The following SFT2D2 variants were observed in gnomAD, a reference collection of about 807,000 sequenced individuals.
SFT2D2 encodes the protein SFT2 domain containing 2, also known as vesicle transport protein SFT2B.
SFT2D2 carries 21 observed loss-of-function variants against 27.4 expected under a neutral mutation model. That is an observed-to-expected ratio of 0.77 (90% CI 0.54 to 1.10). The LOEUF (loss-of-function observed/expected upper bound fraction) is 1.10, where lower values mean the gene tolerates loss of function less well. Ranked by LOEUF, SFT2D2 falls within the 50% of genes least tolerant of loss-of-function variation. The pLI is 0.00. For missense variants in SFT2D2, 187 were observed against 194.2 expected (o/e 0.96, Z 0.22); for synonymous variants, 72 against 71.7 (o/e 1.00, Z -0.02).
At position 168,252,986 on chromosome 1, in the gene SFT2D2, T is replaced by G. The variant is rs940515346; in HGVS notation, c.*10446T>G. 6 of 152,246 alleles carry G rather than the reference T, an allele frequency of 3.9e-5. No homozygotes were observed. Among genetic ancestry groups the G allele is most frequent in the Non-Finnish European group, 7.3e-5 (5 of 68,052 alleles). The allele number at this position is 152,246 out of a possible 1,614,324, so 9.4% of individuals were successfully genotyped here. A position where few individuals can be genotyped will look rare whatever the true frequency, so the allele number is the denominator to read the frequency against. On this transcript the variant is annotated 3_prime_UTR_variant, in exon 8 of 8. Coordinates refer to ENST00000271375, the MANE Select transcript of SFT2D2 (RefSeq NM_199344.3). ...TCACAATTGTTAGTTTTTTTTGCTTTCTTTCTTCAATAAATGATAGCATTA... is the reference window on the plus strand; with the variant it reads ...TCACAATTGTTAGTTTTTTTTGCTTGCTTTCTTCAATAAATGATAGCATTA...
rs9660508 is a variant in SFT2D2 at position 168,232,462 on chromosome 1, C to A, written c.236+543C>A. The stretch of plus-strand genomic sequence containing the variant: ...AGTCACACTGGTGCCAACAACTCCA[C>A]CCTCTCCAACTGGGAGCACTGGCCT... On this transcript the variant is annotated intron_variant, in intron 3 of 7. Transcript: ENST00000271375. Among the ~76,000 whole-genome samples, 1,356 of 152,304 alleles carry A rather than the reference C, an allele frequency of 8.9e-3. 22 individuals are homozygous for A. The highest frequency in any genetic ancestry group is 0.031 in the African/African-American group (1,270 of 41,556).
intron 7 of SFT2D2, among the ~76,000 whole-genome samples, chr1:168,240,083 G>C (rs979943510): frequency 6.6e-6 from 1 of 151,342 alleles, no homozygotes; most frequent in Non-Finnish European, 1.5e-5. Flanking sequence ...GCTGAGGCAG[G>C]AGAATGGCGT....
rs559247305 is a variant in SFT2D2, at chr1:168,237,283, G to C, written c.413+513G>C. Among the ~76,000 whole-genome samples the C allele has an allele frequency of 5.9e-5, 9 of 152,360 alleles. No individual in the cohort carries two copies. In the South Asian group the frequency reaches 1.7e-3, roughly 28 times the overall value. On this transcript the variant is annotated intron_variant, in intron 6 of 7. Transcript: ENST00000271375. ...TGACGAAATGGAAAAACGTGTGTCT[G>C]TGGGCTGTAGGATCAGCGTATGTGC...
In SFT2D2 at chr1:168,252,457, C is replaced by G. The variant is rs1001433614; in HGVS notation, c.*9917C>G. The G allele has an allele frequency of 1.3e-5, 2 of 152,190 alleles. No individual in the cohort carries two copies. Among genetic ancestry groups the G allele is most frequent in the African/African-American group, 4.8e-5 (2 of 41,440 alleles). The allele number at this position is 152,190 out of a possible 1,614,324, so 9.4% of individuals were successfully genotyped here. ...GCTACAAGAAGTTATGAGCCTTGTTCTAAGTACAGATGAACCTTGTATTTG... is the reference window on the plus strand; with the variant it reads ...GCTACAAGAAGTTATGAGCCTTGTTGTAAGTACAGATGAACCTTGTATTTG... On this transcript the variant is annotated 3_prime_UTR_variant, in exon 8 of 8. Transcript: ENST00000271375.
chr1:168,236,799 C>T, intron 6 of SFT2D2, 29 bp downstream of exon 6: 1 of 1,606,816 alleles, frequency 6.2e-7, no homozygotes, highest in Non-Finnish European at 8.5e-7. Context: ...AATCCCCTCC[C>T]ACATAGCCCA....
At chr1:168,229,741 G>C (rs532729932) in intron 1 of SFT2D2, 1 of 148,926 alleles carries the variant, frequency 6.7e-6, no homozygotes, top group African/African-American at 2.6e-5. Context: ...GCATGACTAG[G>C]AAGAGTGGTA....
At chr1:168,239,932 T>C (rs1647602202) in intron 7 of SFT2D2, among the ~76,000 whole-genome samples, 2 of 151,830 alleles carry the variant, frequency 1.3e-5, no homozygotes, top group African/African-American at 4.8e-5. Context: ...TCCCAGCACT[T>C]TGGGAGGCCG....
In SFT2D2 at chr1:168,246,715, TC is replaced by T; in HGVS notation, c.*4176del. ...TCTACGATGGTATGATTCCATTTCG[TC>T]AGTCTTTGCCTGCTTTGTTTTTCCT... On this transcript the variant is annotated 3_prime_UTR_variant, in exon 8 of 8. Transcript: ENST00000271375. 2 of 989,432 alleles carry T rather than the reference TC, an allele frequency of 2.0e-6. No homozygotes were observed. The highest frequency in any genetic ancestry group is 4.4e-4 in the Middle Eastern group (2 of 4,542). The allele number at this position is 989,432 out of a possible 1,614,324, so 61.3% of individuals were successfully genotyped here.
intron 1 of SFT2D2, among the ~76,000 whole-genome samples, chr1:168,229,884 G>T (rs935833448): frequency 6.6e-6 from 1 of 152,158 alleles, no homozygotes; most frequent in African/African-American, 2.4e-5. Flanking sequence ...GTCCAAGGGG[G>T]TTTGGGAAAC....
At position 168,246,143 on chromosome 1, in the gene SFT2D2, C is replaced by T; in HGVS notation, c.*3603C>T. On this transcript the variant is annotated 3_prime_UTR_variant, in exon 8 of 8. Coordinates refer to ENST00000271375, the MANE Select transcript of SFT2D2 (RefSeq NM_199344.3). ...TTCTGCTTTCTCTCTTTCATATTGA[C>T]ATTGTTTTTCTTTCAAATGATTAAC... 4.1e-6 allele frequency: 1 copy of T among 242,000 alleles called. No homozygotes were observed. The highest frequency in any genetic ancestry group is 8.2e-6 in the Non-Finnish European group (1 of 121,420). 15.0% of individuals were successfully genotyped at this position (242,000 alleles called of 1,614,324 possible). A position where few individuals can be genotyped will look rare whatever the true frequency, so the allele number is the denominator to read the frequency against.
At chr1:168,235,008 C>T in intron 3 of SFT2D2, 93 bp from the exon 4 acceptor site, 4 of 1,059,790 alleles carry the variant, frequency 3.8e-6, no homozygotes, top group Non-Finnish European at 5.9e-6. Flanking sequence ...CAAATGTTAG[C>T]TACTATTGCC....
chr1:168,246,205 G>T lies in SFT2D2; in HGVS notation c.*3665G>T. The T allele has an allele frequency of 3.7e-6, 1 of 267,466 alleles. No homozygotes were observed. The highest frequency in any genetic ancestry group is 1.2e-4 in the East Asian group (1 of 8,562). 16.6% of individuals were successfully genotyped at this position (267,466 alleles called of 1,614,324 possible). A position where few individuals can be genotyped will look rare whatever the true frequency, so the allele number is the denominator to read the frequency against. Reference sequence around the variant, plus strand: ...TCCTCTTGTTCTTCTAGCAAAAGACGGTGCTTTATGCACTCAGCTTGAAGA... The same window carrying T: ...TCCTCTTGTTCTTCTAGCAAAAGACTGTGCTTTATGCACTCAGCTTGAAGA... On this transcript the variant is annotated 3_prime_UTR_variant, in exon 8 of 8. Coordinates refer to ENST00000271375, the MANE Select transcript of SFT2D2 (RefSeq NM_199344.3).
intron 4 of SFT2D2, 147 bp downstream of exon 4, chr1:168,235,329 G>C: frequency 1.3e-6 from 1 of 781,268 alleles, no homozygotes; most frequent in African/African-American, 1.7e-5. Context: ...GTGGCAGAAG[G>C]GAACACTCTA....
In SFT2D2 at chr1:168,237,841, A is replaced by ATGTG. The variant is rs34517084; in HGVS notation, c.413+1085_413+1088dup. 4.4e-3 allele frequency among the ~76,000 whole-genome samples: 651 copies of ATGTG among 148,022 alleles called. 6 individuals carry two copies. Among genetic ancestry groups the ATGTG allele is most frequent in the Admixed American group, 3.5e-3 (52 of 14,960 alleles). The stretch of plus-strand genomic sequence containing the variant: ...GAGAAGGATGCTGGTGTTTGTGTTT[A>ATGTG]TGTGTGTGTGTGTGTGTATGTTTTT... On this transcript the variant is annotated intron_variant, in intron 6 of 7. Transcript: ENST00000271375.
chr1:168,232,147 A>G (rs17501388), intron 3 of SFT2D2, among the ~76,000 whole-genome samples: 2,072 of 152,318 alleles, frequency 0.014, 18 homozygotes, highest in Non-Finnish European at 0.022. Context: ...TTTTACATGT[A>G]CAGAAACTGC....
intron 1 of SFT2D2, 49 bp from the exon 2 acceptor site, chr1:168,231,465 G>A: frequency 6.7e-7 from 1 of 1,488,838 alleles, no homozygotes; most frequent in Non-Finnish European, 9.3e-7. Context: ...TGCTTGCTTT[G>A]TTTTTAGTAA....
intron 7 of SFT2D2, among the ~76,000 whole-genome samples, chr1:168,241,066 T>C (rs927586162): frequency 6.6e-6 from 1 of 152,150 alleles, no homozygotes; most frequent in Admixed American, 6.5e-5. Flanking sequence ...TTGATCTGGA[T>C]TGGCATGTAT....
rs1466424271 is a variant in SFT2D2, at chr1:168,252,115, CT to C, written c.*9578del. 3.9e-5 allele frequency: 6 copies of C among 152,082 alleles called. No homozygotes were observed. Among genetic ancestry groups the C allele is most frequent in the Non-Finnish European group, 7.3e-5 (5 of 68,028 alleles). 9.4% of individuals were successfully genotyped at this position (152,082 alleles called of 1,614,324 possible). A position where few individuals can be genotyped will look rare whatever the true frequency, so the allele number is the denominator to read the frequency against. On this transcript the variant is annotated 3_prime_UTR_variant, in exon 8 of 8. Coordinates refer to ENST00000271375, the MANE Select transcript of SFT2D2 (RefSeq NM_199344.3). Reference sequence around the variant, plus strand: ...GCGAGTAAATGGGGAGTAGCAGAGCCTTTGTTAATGTAAATTGACAAAAAGT... The same window carrying C: ...GCGAGTAAATGGGGAGTAGCAGAGCCTTGTTAATGTAAATTGACAAAAAGT...
In SFT2D2 at chr1:168,236,737, T is replaced by C. The variant is rs141672157; in HGVS notation, c.380T>C (p.Ile127Thr). 6.2e-7 allele frequency: 1 copy of C among 1,614,228 alleles called. No homozygotes were observed. The highest frequency in any genetic ancestry group is 1.3e-5 in the African/African-American group (1 of 75,066). The part of the protein sequence containing the change: ...FWWHNKGLAL[I>T]FCILQSLALT... ...TGGCATAACAAGGGACTTGCACTTA[T>C]CTTCTGCATTTTGCAGTCTTTGGCA... Residue 127 changes from isoleucine (I) to threonine (T), a missense_variant, in exon 6 of 8, where the codon ATC becomes ACC. Coordinates refer to ENST00000271375, the MANE Select transcript of SFT2D2 (RefSeq NM_199344.3).
Sources: gnomAD v4.1 joint callset for allele counts (sites outside exome capture counted in the v4.1 genomes callset) on GRCh38, gnomAD v4.1.1 for gene constraint, MANE v1.5 for transcripts, NCBI Gene and HGNC (gene_info 2026-07-23, HGNC 2026-07-21) for gene names.